The following REL variants were observed in gnomAD, a reference collection of about 807,000 sequenced individuals.
REL encodes the protein proto-oncogene c-Rel.
Under a neutral mutation model 45.9 loss-of-function variants are expected in REL, and 15 were observed. The ratio of observed to expected loss-of-function variants is 0.33; its 90% CI spans 0.22 to 0.50. The LOEUF (loss-of-function observed/expected upper bound fraction) is 0.50, where lower values mean the gene tolerates loss of function less well. Ranked by LOEUF, REL falls within the 20% of genes least tolerant of loss-of-function variation. The pLI, the probability that REL is intolerant of heterozygous loss-of-function variation, is 0.98. For synonymous variants in REL, 239 were observed against 242.1 expected, an observed-to-expected ratio of 0.99 and a Z score of 0.12; for missense variants, 601 against 715.2, an observed-to-expected ratio of 0.84 and a Z score of 1.82.
chr2:60,894,361 A>G (rs369191516), intron 2 of REL, 36 bp from the exon 3 acceptor site: 52 of 1,326,904 alleles, frequency 3.9e-5, no homozygotes, highest in Non-Finnish European at 5.0e-5. Context: ...AATGCAGTCT[A>G]TTTGGATCAT....
intron 4 of REL, among the ~76,000 whole-genome samples, chr2:60,907,463 G>A (rs1424702808): frequency 6.6e-6 from 1 of 151,616 alleles, no homozygotes; most frequent in Non-Finnish European, 1.5e-5. Context: ...GGGCAATGTG[G>A]TGAAACCCCA....
chr2:60,919,302 G>A (rs979358656), intron 7 of REL, among the ~76,000 whole-genome samples: 1 of 151,806 alleles, frequency 6.6e-6, no homozygotes, highest in Non-Finnish European at 1.5e-5. Context: ...TGGCATGATC[G>A]TGGCTCACCA....
At chr2:60,888,315 T>C (rs1673120533) in intron 1 of REL, among the ~76,000 whole-genome samples, 1 of 152,180 alleles carries the variant, frequency 6.6e-6, no homozygotes, top group Non-Finnish European at 1.5e-5. Context: ...TCATTAACGA[T>C]GTCATTTTAT....
chr2:60,908,477 A>C (rs1673721986), intron 4 of REL, among the ~76,000 whole-genome samples: 1 of 152,214 alleles, frequency 6.6e-6, no homozygotes, highest in Middle Eastern at 3.2e-3. Context: ...CAAATTGTCT[A>C]ATTGCCAAAG....
chr2:60,886,153 G>C (rs1220438624), intron 1 of REL, among the ~76,000 whole-genome samples: 1 of 152,122 alleles, frequency 6.6e-6, no homozygotes, highest in Non-Finnish European at 1.5e-5. Context: ...AGAATTTCTT[G>C]GAAGGCTTTT....
chr2:60,920,295 A>AG, intron 8 of REL, 186 bp downstream of exon 8: 1 of 617,282 alleles, frequency 1.6e-6, no homozygotes. Context: ...TCTGCCCCCC[A>AG]GGTTCAACAA....
Position 60,881,817 on chromosome 2 carries a change from C to T in REL, c.-24C>T. ...CGGCCAGGACGCTGGGAGCTGCCTG[C>T]GGGAAGGTGCGGGGAGCGGAGCCAT... is the stretch of plus-strand genomic sequence containing the variant. On this transcript the variant is annotated 5_prime_UTR_variant, in exon 1 of 10. Coordinates refer to ENST00000394479, the MANE Select transcript of REL (RefSeq NM_001291746.2). 2.0e-6 allele frequency: 3 copies of T among 1,524,530 alleles called. No homozygotes were observed. The highest frequency in any genetic ancestry group is 2.6e-6 in the Non-Finnish European group (3 of 1,137,066). The allele number at this position is 1,524,530 out of a possible 1,614,324, so 94.4% of individuals were successfully genotyped here. A position where few individuals can be genotyped will look rare whatever the true frequency, so the allele number is the denominator to read the frequency against.
intron 1 of REL, among the ~76,000 whole-genome samples, chr2:60,889,558 C>T (rs1161284166): frequency 6.6e-6 from 1 of 152,014 alleles, no homozygotes; most frequent in African/African-American, 2.4e-5. Context: ...TGGTGTGCTG[C>T]ACCCATTAAC....
chr2:60,883,733 A>C (rs1182690304), intron 1 of REL, among the ~76,000 whole-genome samples: 5 of 152,078 alleles, frequency 3.3e-5, no homozygotes, highest in South Asian at 2.1e-4. Flanking sequence ...AAATTTGTTC[A>C]TTGACACTGT....
At chr2:60,914,209 G>C (rs1673896003) in intron 4 of REL, among the ~76,000 whole-genome samples, 1 of 152,196 alleles carries the variant, frequency 6.6e-6, no homozygotes, top group Non-Finnish European at 1.5e-5. Flanking sequence ...ATGAAGTTAG[G>C]CTTTATAGAA....
chr2:60,901,150 CTTTT>C (rs10565258), intron 4 of REL, 67 bp downstream of exon 4: 9,023 of 893,866 alleles, frequency 0.01, 32 homozygotes, highest in Middle Eastern at 0.019. Flanking sequence ...TTTTCTTTCT[CTTTT>C]TTTTTTTTTT....
rs757584747 is a variant in REL, at chr2:60,921,981, C to G, written c.1210C>G (p.Leu404Val). 23 of 1,614,062 alleles carry G rather than the reference C, an allele frequency of 1.4e-5. No homozygotes were observed. The East Asian group carries it at 4.9e-4, about 34-fold the overall frequency. ...ACTGAGTAGTTTTTCAACAAGGACA[C>G]TTCCTTCTAATTCGCAAGGTATCCC... Reference protein sequence around the residue: ...NPLSSFSTRTLPSNSQGIPPF... With the variant: ...NPLSSFSTRTVPSNSQGIPPF... Residue 404 changes from leucine to valine, a missense_variant, in exon 10 of 10, where the codon CTT becomes GTT. Around this residue, in one of 4 missense-constraint regions of REL, gnomAD observed 334 missense variants for 333.1 expected, o/e 1.00. Transcript: ENST00000394479.
At chr2:60,888,567 C>G (rs974014073) in intron 1 of REL, among the ~76,000 whole-genome samples, 1 of 152,174 alleles carries the variant, frequency 6.6e-6, no homozygotes, top group East Asian at 1.9e-4. Context: ...GTGAAATACT[C>G]ATCTGCATAT....
At chr2:60,884,330 TAA>T (rs1673019052) in intron 1 of REL, among the ~76,000 whole-genome samples, 1 of 152,024 alleles carries the variant, frequency 6.6e-6, no homozygotes, top group Non-Finnish European at 1.5e-5. Flanking sequence ...CAAAATTATG[TAA>T]GTTAGAATGT....
At chr2:60,904,673 G>C (rs1249215337) in intron 4 of REL, among the ~76,000 whole-genome samples, 1 of 151,780 alleles carries the variant, frequency 6.6e-6, no homozygotes, top group Non-Finnish European at 1.5e-5. Flanking sequence ...AGGATTGCTT[G>C]AGCCCAGGAG....
chr2:60,892,089 G>C (rs1398683795), intron 2 of REL, among the ~76,000 whole-genome samples: 2 of 152,064 alleles, frequency 1.3e-5, no homozygotes, highest in Non-Finnish European at 1.5e-5. Flanking sequence ...GCGACTCAAT[G>C]TTGAGAGTAC....
chr2:60,919,135 CAG>C (rs1441828534), intron 7 of REL, among the ~76,000 whole-genome samples: 2 of 152,242 alleles, frequency 1.3e-5, no homozygotes, highest in Non-Finnish European at 2.9e-5. Flanking sequence ...ACTTACCACT[CAG>C]AGAGTAGTCT....
chr2:60,916,194 C>G, intron 4 of REL, among the ~76,000 whole-genome samples: 1 of 152,192 alleles, frequency 6.6e-6, no homozygotes, highest in Non-Finnish European at 1.5e-5. Context: ...GGGTGGATCA[C>G]TTGAGCCTGG....
Position 60,927,099 on chromosome 2 carries a change from T to C in REL, c.*4564T>C, listed in dbSNP as rs1674284799. 4.4e-6 allele frequency: 1 copy of C among 227,030 alleles called. No homozygotes were observed. Among genetic ancestry groups the C allele is most frequent in the Non-Finnish European group, 8.8e-6 (1 of 114,206 alleles). The allele number at this position is 227,030 out of a possible 1,614,324, so 14.1% of individuals were successfully genotyped here. Reference sequence around the variant, plus strand: ...CTTGAGGTGAAGCTTTGTACATGCCTGTATTACGGACATCCTCTTATTTAA... The same window carrying C: ...CTTGAGGTGAAGCTTTGTACATGCCCGTATTACGGACATCCTCTTATTTAA... On this transcript the variant is annotated 3_prime_UTR_variant, in exon 10 of 10. Coordinates refer to ENST00000394479, the MANE Select transcript of REL (RefSeq NM_001291746.2).
Sources: gnomAD v4.1 joint callset for allele counts (sites outside exome capture counted in the v4.1 genomes callset) on GRCh38, gnomAD v4.1.1 for gene constraint, gnomAD v4.1.1 regional missense constraint, MANE v1.5 for transcripts, NCBI Gene and HGNC (gene_info 2026-07-23, HGNC 2026-07-21) for gene names.